CDH18: variants seen among roughly 807,000 people sequenced by gnomAD.
CDH18 encodes cadherin 18, also known as cadherin-18.
In CDH18, 31 loss-of-function variants were observed where a neutral mutation model predicts 67.9. The observed-to-expected ratio is 0.46, with a 90% confidence interval of 0.34 to 0.62. The LOEUF is 0.62. CDH18 is among the 20% of genes least tolerant of loss of function. The pLI is 0.01. For synonymous variants in CDH18, 362 were observed against 347.2 expected (o/e 1.04, Z -0.48); for missense variants, 890 against 975.5 (o/e 0.91, Z 1.17).
chr5:19,702,568 C>T (rs1023821539), intron 5 of CDH18, among the ~76,000 whole-genome samples: 4 of 151,906 alleles, frequency 2.6e-5, no homozygotes, highest in Admixed American at 6.5e-5. Flanking sequence ...GAGTTCAAGA[C>T]CAGCCTGGCC....
At chr5:20,294,922 T>A (rs1747372384) in intron 1 of CDH18, among the ~76,000 whole-genome samples, 1 of 152,196 alleles carries the variant, frequency 6.6e-6, no homozygotes, top group Admixed American at 6.5e-5. Flanking sequence ...ACTTAAAGGC[T>A]TTGATTTCAG....
At chr5:20,046,722 A>G (rs2150482273) in intron 2 of CDH18, among the ~76,000 whole-genome samples, 1 of 151,074 alleles carries the variant, frequency 6.6e-6, no homozygotes, top group East Asian at 1.9e-4. Context: ...GAGGAAGTCA[A>G]CACATGAAAT....
chr5:19,872,542 G>A (rs1046246698), intron 2 of CDH18, among the ~76,000 whole-genome samples: 1 of 152,258 alleles, frequency 6.6e-6, no homozygotes, highest in East Asian at 1.9e-4. Context: ...CCTTGAAGAT[G>A]CAAGCTGCCA....
chr5:20,280,286 G>A (rs1342261156), intron 1 of CDH18, among the ~76,000 whole-genome samples: 3 of 151,552 alleles, frequency 2.0e-5, no homozygotes, highest in Non-Finnish European at 4.4e-5. Context: ...GTACACATGT[G>A]CCATTTTGGT....
intron 3 of CDH18, among the ~76,000 whole-genome samples, chr5:19,757,724 C>T (rs562930608): frequency 1.3e-3 from 196 of 152,302 alleles, no homozygotes; most frequent in Non-Finnish European, 1.6e-3. Context: ...ACCAATTTTC[C>T]GATCATGCTT....
intron 7 of CDH18, among the ~76,000 whole-genome samples, chr5:19,587,549 TC>T (rs1463984058): frequency 6.6e-6 from 1 of 152,152 alleles, no homozygotes; most frequent in Non-Finnish European, 1.5e-5. Flanking sequence ...AAATAGGGAA[TC>T]CTTTCTCCAT....
At chr5:20,133,616 T>C (rs974651735) in intron 2 of CDH18, among the ~76,000 whole-genome samples, 1 of 152,194 alleles carries the variant, frequency 6.6e-6, no homozygotes. Context: ...CCTTTCTTGA[T>C]GATTACGCGG....
intron 2 of CDH18, among the ~76,000 whole-genome samples, chr5:20,225,551 T>A (rs1741557590): frequency 6.6e-6 from 1 of 152,086 alleles, no homozygotes. Flanking sequence ...CTCACTACAG[T>A]ACCTAATGGA....
chr5:19,578,423 T>C (rs1018323629), intron 7 of CDH18, among the ~76,000 whole-genome samples: 16 of 152,136 alleles, frequency 1.1e-4, no homozygotes, highest in Non-Finnish European at 2.1e-4. Flanking sequence ...TTTAGCAACC[T>C]TCCCTCGAAA....
intron 1 of CDH18, among the ~76,000 whole-genome samples, chr5:20,468,857 T>A (rs1751851241): frequency 6.6e-6 from 1 of 152,224 alleles, no homozygotes; most frequent in African/African-American, 2.4e-5. Flanking sequence ...CACATCAGGA[T>A]AATAACACAT....
intron 2 of CDH18, among the ~76,000 whole-genome samples, chr5:20,015,899 A>G (rs1463166540): frequency 6.6e-6 from 1 of 152,176 alleles, no homozygotes; most frequent in African/African-American, 2.4e-5. Context: ...TTAGGTCTTT[A>G]GCATATAGAA....
intron 1 of CDH18, among the ~76,000 whole-genome samples, chr5:20,336,229 T>TC (rs1739718242): frequency 6.6e-6 from 1 of 151,984 alleles, no homozygotes; most frequent in Non-Finnish European, 1.5e-5. Context: ...GCTAGTGTGG[T>TC]CATCTCCCCT....
At chr5:20,231,007 G>T (rs551968604) in intron 2 of CDH18, among the ~76,000 whole-genome samples, 1 of 152,264 alleles carries the variant, frequency 6.6e-6, no homozygotes, top group East Asian at 1.9e-4. Flanking sequence ...CTGTCATACA[G>T]GGCCCAACAA....
At chr5:20,241,681 C>T (rs1356443293) in intron 2 of CDH18, among the ~76,000 whole-genome samples, 1 of 151,604 alleles carries the variant, frequency 6.6e-6, no homozygotes, top group Non-Finnish European at 1.5e-5. Flanking sequence ...GAAACCCCAT[C>T]TCTACTAAAA....
chr5:20,175,040 T>C (rs1737124763), intron 2 of CDH18, among the ~76,000 whole-genome samples: 1 of 152,116 alleles, frequency 6.6e-6, no homozygotes, highest in South Asian at 2.1e-4. Context: ...CTAGACTGTG[T>C]CTGTTCAAGA....
At chr5:20,451,390 G>A (rs1750440134) in intron 1 of CDH18, among the ~76,000 whole-genome samples, 2 of 152,230 alleles carry the variant, frequency 1.3e-5, no homozygotes, top group South Asian at 4.1e-4. Context: ...AGAGCACAGA[G>A]TCCTTCTTAG....
At chr5:20,412,843 T>A (rs10035241) in intron 1 of CDH18, among the ~76,000 whole-genome samples, 81,828 of 151,954 alleles carry the variant, frequency 0.54, 22,414 homozygotes, top group Middle Eastern at 0.62. Context: ...CTTTAAGTTC[T>A]AGGGTACATG....
intron 1 of CDH18, among the ~76,000 whole-genome samples, chr5:20,352,699 A>G (rs1265291588): frequency 6.6e-6 from 1 of 151,468 alleles, no homozygotes; most frequent in Non-Finnish European, 1.5e-5. Context: ...AGGCTGAGGC[A>G]GGAGAATGGT....
At chr5:19,899,299 C>A (rs1215330208) in intron 2 of CDH18, among the ~76,000 whole-genome samples, 3 of 150,990 alleles carry the variant, frequency 2.0e-5, no homozygotes, top group East Asian at 3.9e-4. Context: ...ACTCGGGAGG[C>A]TGAGGCAGGA....
Sources: allele counts gnomAD v4.1 joint callset (sites outside exome capture counted in the v4.1 genomes callset), GRCh38; gene constraint gnomAD v4.1.1; transcripts MANE v1.5; gene names NCBI Gene and HGNC (gene_info 2026-07-23, HGNC 2026-07-21).